SPIDR: variants seen among roughly 807,000 people sequenced by gnomAD.
SPIDR encodes DNA repair-scaffolding protein.
SPIDR carries 93 observed loss-of-function variants against 104.6 expected under a neutral mutation model. The ratio of observed to expected loss-of-function variants is 0.89; its 90% CI spans 0.75 to 1.06. SPIDR has a LOEUF of 1.06. Ranked by LOEUF, SPIDR falls within the 50% of genes least tolerant of loss-of-function variation. SPIDR has a pLI of 0.00. For synonymous variants in SPIDR, 431 were observed against 416.9 expected (o/e 1.03, Z -0.41); for missense variants, 1,154 against 1,111.2 (o/e 1.04, Z -0.55).
At chr8:47,551,996 A>G (rs1341561493) in intron 8 of SPIDR, among the ~76,000 whole-genome samples, 1 of 152,194 alleles carries the variant, frequency 6.6e-6, no homozygotes, top group Middle Eastern at 3.2e-3. Flanking sequence ...GTTTCAGAGA[A>G]CATCTTTATT....
chr8:47,527,058 A>G (rs990268544), intron 8 of SPIDR, among the ~76,000 whole-genome samples: 2 of 152,048 alleles, frequency 1.3e-5, no homozygotes, highest in Admixed American at 1.3e-4. Flanking sequence ...TCTTGGAGAG[A>G]GGGGGCACAC....
intron 10 of SPIDR, among the ~76,000 whole-genome samples, chr8:47,633,214 T>C (rs1458801259): frequency 2.0e-5 from 3 of 152,242 alleles, no homozygotes; most frequent in African/African-American, 7.2e-5. Context: ...GATAAGTGTC[T>C]GTAATCAGGA....
At chr8:47,470,758 G>C (rs1346687334) in intron 8 of SPIDR, among the ~76,000 whole-genome samples, 1 of 150,772 alleles carries the variant, frequency 6.6e-6, no homozygotes, top group African/African-American at 2.4e-5. Context: ...TTTTTGAGAC[G>C]GAGTCTGGCT....
rs900417388 is a variant in SPIDR at position 47,588,034 on chromosome 8, T to C, written c.1098-7777T>C. On this transcript the variant is annotated intron_variant, in intron 8 of 19. Coordinates refer to ENST00000297423, the MANE Select transcript of SPIDR (RefSeq NM_001080394.4). ...GCAACTTTTAAAATTAGCATATATATATATATATATATATATATATATATA... is the reference window on the plus strand; with the variant it reads ...GCAACTTTTAAAATTAGCATATATACATATATATATATATATATATATATA... Among the ~76,000 whole-genome samples the C allele has an allele frequency of 5.9e-4, 6 of 10,096 alleles. No individual in the cohort carries two copies. In the South Asian group the frequency reaches 0.017, roughly 28 times the overall value. 6.6% of individuals were successfully genotyped at this position (10,096 alleles called of 152,430 possible).
chr8:47,317,958 A>G (rs2045737861), intron 5 of SPIDR, among the ~76,000 whole-genome samples: 1 of 152,190 alleles, frequency 6.6e-6, no homozygotes, highest in South Asian at 2.1e-4. Flanking sequence ...ACTATCATCA[A>G]AGACCCAAAG....
At chr8:47,671,747 C>A (rs2075832072) in intron 10 of SPIDR, among the ~76,000 whole-genome samples, 1 of 152,112 alleles carries the variant, frequency 6.6e-6, no homozygotes, top group Non-Finnish European at 1.5e-5. Flanking sequence ...ATTCATTGCT[C>A]TTTAGAAGGT....
At chr8:47,330,167 A>AT (rs2048411775) in intron 5 of SPIDR, among the ~76,000 whole-genome samples, 1 of 148,630 alleles carries the variant, frequency 6.7e-6, no homozygotes, top group Non-Finnish European at 1.5e-5. Flanking sequence ...TCATGCCTTC[A>AT]TTTTTTTGGT....
chr8:47,729,573 C>A, intron 19 of SPIDR, 108 bp downstream of exon 19: 3 of 1,282,764 alleles, frequency 2.3e-6, no homozygotes, highest in Non-Finnish European at 3.2e-6. Context: ...TACAACCCAT[C>A]CCACTAGGAA....
At chr8:47,661,302 C>T (rs1052379532) in intron 10 of SPIDR, among the ~76,000 whole-genome samples, 2 of 152,198 alleles carry the variant, frequency 1.3e-5, no homozygotes, top group African/African-American at 4.8e-5. Context: ...GTTAATCACT[C>T]CTATAGATAG....
chr8:47,585,818 C>T (rs2060194985), intron 8 of SPIDR, among the ~76,000 whole-genome samples: 1 of 152,098 alleles, frequency 6.6e-6, no homozygotes, highest in Non-Finnish European at 1.5e-5. Flanking sequence ...CATGATAACC[C>T]ATTAGTCCAT....
intron 5 of SPIDR, among the ~76,000 whole-genome samples, chr8:47,377,191 AAT>A (rs2058757622): frequency 6.6e-6 from 1 of 152,210 alleles, no homozygotes; most frequent in South Asian, 2.1e-4. Flanking sequence ...TACTATTTTT[AAT>A]GTATTTAGCT....
chr8:47,285,315 G>C (rs952094355), intron 3 of SPIDR, among the ~76,000 whole-genome samples: 19 of 152,228 alleles, frequency 1.2e-4, no homozygotes, highest in African/African-American at 4.3e-4. Flanking sequence ...TTGCCAAAAT[G>C]TTTCTTTAAA....
chr8:47,294,396 G>C (rs904894751), intron 5 of SPIDR: 148 of 199,900 alleles, frequency 7.4e-4, no homozygotes, highest in Non-Finnish European at 1.3e-3. Flanking sequence ...TCCTCTCCCA[G>C]TGGAGTCACA....
At chr8:47,386,886 G>C (rs1378076481) in intron 5 of SPIDR, among the ~76,000 whole-genome samples, 3 of 62,480 alleles carry the variant, frequency 4.8e-5, no homozygotes, top group Non-Finnish European at 6.9e-5. Flanking sequence ...GGGAGAGAGA[G>C]AGAGAAAGAG....
intron 2 of SPIDR, among the ~76,000 whole-genome samples, chr8:47,280,608 G>A (rs1554557999): frequency 3.9e-5 from 6 of 152,158 alleles, no homozygotes; most frequent in Non-Finnish European, 8.8e-5. Flanking sequence ...GGCCAGGCTG[G>A]TTTGGAACTC....
chr8:47,296,693 A>G (rs1554572965), intron 5 of SPIDR, among the ~76,000 whole-genome samples: 6,774 of 152,054 alleles, frequency 0.045, 459 homozygotes, highest in African/African-American at 0.15. Context: ...GTACTGTGAT[A>G]CCTCTAGGTT....
intron 10 of SPIDR, 29 bp from the exon 11 acceptor site, chr8:47,673,772 C>G (rs746379564): frequency 1.9e-6 from 3 of 1,613,872 alleles, no homozygotes; most frequent in East Asian, 4.5e-5. Context: ...ACTGCCTCCT[C>G]AAAGACAAAT....
chr8:47,727,130 C>T (rs896045934), intron 16 of SPIDR, 70 bp from the exon 17 acceptor site: 16 of 1,363,220 alleles, frequency 1.2e-5, no homozygotes, highest in African/African-American at 8.5e-5. Context: ...GTCCTCTGCA[C>T]GTGGAGGAGC....
At chr8:47,438,239 G>C (rs2068728575) in intron 7 of SPIDR, among the ~76,000 whole-genome samples, 1 of 152,212 alleles carries the variant, frequency 6.6e-6, no homozygotes, top group African/African-American at 2.4e-5. Context: ...CCTGACAGCT[G>C]CTGCTGTCAG....
Sources: allele counts gnomAD v4.1 joint callset (sites outside exome capture counted in the v4.1 genomes callset), GRCh38; gene constraint gnomAD v4.1.1; transcripts MANE v1.5; gene names NCBI Gene and HGNC (gene_info 2026-07-23, HGNC 2026-07-21).